Variants in MCPH1 observed in about 807,000 individuals in gnomAD.
The protein encoded by MCPH1 is microcephalin 1.
A neutral mutation model predicts 84.5 loss-of-function variants in MCPH1; 104 were observed. The observed-to-expected ratio is 1.23, with a 90% CI of 1.05 to 1.45. The LOEUF (loss-of-function observed/expected upper bound fraction) is 1.45. Ranked by LOEUF, MCPH1 falls within the 40% of genes most tolerant of loss-of-function variation. MCPH1 has a pLI of 0.00. For synonymous variants in MCPH1, 514 were observed against 366.8 expected, an observed-to-expected ratio of 1.40 and a Z score of -4.58; for missense variants, 1,498 against 1,005.7, an observed-to-expected ratio of 1.49 and a Z score of -6.62.
At chr8:6,519,952 A>T (rs763812248) in intron 12 of MCPH1, 2 of 1,614,114 alleles carry the variant, frequency 1.2e-6, no homozygotes, top group Non-Finnish European at 1.7e-6. Context: ...ACAGTCTCTG[A>T]AGCTGATTTG....
intron 12 of MCPH1, among the ~76,000 whole-genome samples, chr8:6,613,299 C>T (rs76383420): frequency 0.018 from 2,669 of 152,300 alleles, 92 homozygotes; most frequent in African/African-American, 0.061. Context: ...GATAGAAACA[C>T]GGAGGGCCAC....
At chr8:6,470,846 C>G (rs1358814285) in intron 9 of MCPH1, among the ~76,000 whole-genome samples, 1 of 152,224 alleles carries the variant, frequency 6.6e-6, no homozygotes, top group African/African-American at 2.4e-5. Context: ...AGTGTTGTCT[C>G]AAACTGAAGG....
At chr8:6,529,339 A>C (rs140033220) in intron 12 of MCPH1, among the ~76,000 whole-genome samples, 175 of 152,306 alleles carry the variant, frequency 1.1e-3, no homozygotes, top group African/African-American at 4.0e-3. Context: ...AGAAATTTTC[A>C]GATTTGAATT....
At chr8:6,546,799 G>T (rs1822660155) in intron 12 of MCPH1, among the ~76,000 whole-genome samples, 1 of 152,150 alleles carries the variant, frequency 6.6e-6, no homozygotes, top group Non-Finnish European at 1.5e-5. Context: ...TCCAAGTATT[G>T]CCTTTAATTG....
chr8:6,509,696 T>C (rs1440766039), intron 12 of MCPH1, among the ~76,000 whole-genome samples: 1 of 152,244 alleles, frequency 6.6e-6, no homozygotes, highest in Non-Finnish European at 1.5e-5. Flanking sequence ...GGCTATGTTC[T>C]GATAAGCCCA....
intron 12 of MCPH1, among the ~76,000 whole-genome samples, chr8:6,598,130 G>A (rs1196812825): frequency 6.6e-6 from 1 of 152,204 alleles, no homozygotes; most frequent in African/African-American, 2.4e-5. Flanking sequence ...TTAGCTCTGA[G>A]GCAGGAAGGA....
At chr8:6,530,719 C>T (rs1284067766) in intron 12 of MCPH1, among the ~76,000 whole-genome samples, 1 of 152,032 alleles carries the variant, frequency 6.6e-6, no homozygotes, top group Non-Finnish European at 1.5e-5. Context: ...TGTGGAAAGA[C>T]CTGGTAGTCA....
intron 12 of MCPH1, among the ~76,000 whole-genome samples, chr8:6,591,209 T>C (rs1828426793): frequency 6.6e-6 from 1 of 152,272 alleles, no homozygotes; most frequent in African/African-American, 2.4e-5. Context: ...GGCCTTGGTC[T>C]TCCTATCGCA....
intron 13 of MCPH1, chr8:6,626,844 T>A (rs893879901): frequency 4.1e-6 from 4 of 985,042 alleles, no homozygotes; most frequent in Non-Finnish European, 4.8e-6. Context: ...GCTGCTGTTA[T>A]CACGAAAGGC....
intron 12 of MCPH1, among the ~76,000 whole-genome samples, chr8:6,596,144 G>A (rs563932796): frequency 6.6e-6 from 1 of 152,286 alleles, no homozygotes; most frequent in African/African-American, 2.4e-5. Flanking sequence ...CGTAAGCCAC[G>A]TGTGACACAT....
rs1803831678 is a variant in MCPH1, at chr8:6,443,615, G to A, written c.671-778G>A. Among the ~76,000 whole-genome samples the A allele has an allele frequency of 2.6e-5, 4 of 152,324 alleles. No individual in the cohort carries two copies. In the South Asian group the frequency reaches 8.3e-4, roughly 32 times the overall value. On this transcript the variant is annotated intron_variant, in intron 7 of 13. Transcript: ENST00000344683. ...TTCATATTCATTCCAGTAGCTTATAGCACAGTGACGGGCAGATGCCCACGT... is the reference window on the plus strand; with the variant it reads ...TTCATATTCATTCCAGTAGCTTATAACACAGTGACGGGCAGATGCCCACGT...
intron 12 of MCPH1, among the ~76,000 whole-genome samples, chr8:6,548,092 G>C (rs1822934654): frequency 6.6e-6 from 1 of 152,174 alleles, no homozygotes; most frequent in Non-Finnish European, 1.5e-5. Context: ...CCTAGCGGAA[G>C]AACCTACATT....
intron 12 of MCPH1, among the ~76,000 whole-genome samples, chr8:6,603,731 TAAG>T (rs1325755054): frequency 6.6e-6 from 1 of 152,184 alleles, no homozygotes; most frequent in African/African-American, 2.4e-5. Flanking sequence ...TGCAAGGTTT[TAAG>T]AAGAGGATCC....
chr8:6,622,474 A>G (rs1425071390), intron 13 of MCPH1, among the ~76,000 whole-genome samples: 1 of 152,214 alleles, frequency 6.6e-6, no homozygotes, highest in South Asian at 2.1e-4. Flanking sequence ...TGGTGGAGTC[A>G]TATGTGGCGG....
intron 12 of MCPH1, among the ~76,000 whole-genome samples, chr8:6,592,623 G>GTTTTTTTTTTTTTTTTT (rs573651366): frequency 3.9e-5 from 3 of 77,556 alleles, no homozygotes; most frequent in African/African-American, 5.4e-5. Flanking sequence ...TCTTTTTTTT[G>GTTTTTTTTTTTTTTTTT]TTTTTTTTTT....
chr8:6,582,226 A>C (rs67480403), intron 12 of MCPH1, among the ~76,000 whole-genome samples: 32,493 of 152,198 alleles, frequency 0.21, 3,557 homozygotes, highest in Non-Finnish European at 0.24. Context: ...CCTGTAAAGC[A>C]TTTAGAATTA....
intron 11 of MCPH1, among the ~76,000 whole-genome samples, chr8:6,496,529 C>T (rs868273730): frequency 5.3e-5 from 8 of 151,962 alleles, no homozygotes; most frequent in South Asian, 4.2e-4. Context: ...CCCCCCGCCC[C>T]CCTTCCCCCG....
chr8:6,410,225 C>T (rs924986192), intron 2 of MCPH1, among the ~76,000 whole-genome samples: 4 of 151,936 alleles, frequency 2.6e-5, no homozygotes, highest in South Asian at 2.1e-4. Flanking sequence ...CCGCCCACCT[C>T]GGCCTCCCAA....
chr8:6,430,232 T>G (rs2916764), intron 3 of MCPH1, among the ~76,000 whole-genome samples: 1 of 152,232 alleles, frequency 6.6e-6, no homozygotes, highest in African/African-American at 2.4e-5. Context: ...TGTTCTTTTT[T>G]AAATTTGTAC....
Sources: gnomAD v4.1 joint callset for allele counts (sites outside exome capture counted in the v4.1 genomes callset) on GRCh38, gnomAD v4.1.1 for gene constraint, MANE v1.5 for transcripts, NCBI Gene and HGNC (gene_info 2026-07-23, HGNC 2026-07-21) for gene names.